ITGA1: variants seen among roughly 807,000 people sequenced by gnomAD.
The protein encoded by ITGA1 is integrin alpha-1.
ITGA1 carries 85 observed loss-of-function variants against 145.9 expected under a neutral mutation model. The observed-to-expected ratio is 0.58, with a 90% confidence interval of 0.49 to 0.70. The LOEUF (loss-of-function observed/expected upper bound fraction) is 0.70, where lower values mean the gene tolerates loss of function less well. Ranked by LOEUF, ITGA1 falls within the 30% of genes least tolerant of loss-of-function variation. The probability of loss-of-function intolerance (pLI) is 0.00; values close to 1 mark genes in which losing one functional copy is unlikely to be tolerated. For missense variants in ITGA1, 1,351 were observed against 1,418.7 expected, an observed-to-expected ratio of 0.95 and a Z score of 0.77; for synonymous variants, 520 against 495.3, an observed-to-expected ratio of 1.05 and a Z score of -0.66.
intron 24 of ITGA1, among the ~76,000 whole-genome samples, chr5:52,937,856 AC>A (rs1304161257): frequency 1.3e-5 from 2 of 151,940 alleles, no homozygotes; most frequent in African/African-American, 4.8e-5. Context: ...ACAACTGGCA[AC>A]CCTAGTCGTT....
At chr5:52,934,422 T>C (rs1451470410) in intron 23 of ITGA1, among the ~76,000 whole-genome samples, 1 of 151,860 alleles carries the variant, frequency 6.6e-6, no homozygotes, top group East Asian at 1.9e-4. Context: ...TATCAGAAAT[T>C]TGTTATCACA....
chr5:52,882,096 C>A, intron 7 of ITGA1, 75 bp downstream of exon 7: 1 of 1,263,820 alleles, frequency 7.9e-7, no homozygotes, highest in South Asian at 1.9e-5. Context: ...TTTGGCATAT[C>A]AATTGAAAGT....
At chr5:52,873,747 T>C (rs143457058) in intron 6 of ITGA1, among the ~76,000 whole-genome samples, 1 of 152,310 alleles carries the variant, frequency 6.6e-6, no homozygotes, top group Non-Finnish European at 1.5e-5. Flanking sequence ...AAGCCTGAGC[T>C]CTTTTCATAT....
chr5:52,868,417 A>T (rs1017745092), intron 6 of ITGA1, among the ~76,000 whole-genome samples: 2 of 152,172 alleles, frequency 1.3e-5, no homozygotes, highest in Non-Finnish European at 2.9e-5. Flanking sequence ...ATAACAGTCA[A>T]TTGCTTATAT....
intron 1 of ITGA1, among the ~76,000 whole-genome samples, chr5:52,789,867 A>G (rs1748205156): frequency 6.6e-6 from 1 of 152,234 alleles, no homozygotes; most frequent in Non-Finnish European, 1.5e-5. Context: ...CTAAAAAGAC[A>G]AGAGTGAAAC....
intron 1 of ITGA1, among the ~76,000 whole-genome samples, chr5:52,847,585 C>T (rs1749357170): frequency 6.6e-6 from 1 of 152,216 alleles, no homozygotes; most frequent in Non-Finnish European, 1.5e-5. Flanking sequence ...GACAGTCTTT[C>T]TCTGTTGCCC....
intron 20 of ITGA1, among the ~76,000 whole-genome samples, 173 bp from the exon 21 acceptor site, chr5:52,929,452 T>A (rs1750863350): frequency 6.6e-6 from 1 of 152,158 alleles, no homozygotes; most frequent in Non-Finnish European, 1.5e-5. Context: ...AAAGAATATG[T>A]ATATTATATG....
Position 52,911,960 on chromosome 5 carries a change from A to C in ITGA1, c.1857+1541A>C, listed in dbSNP as rs1461585960. 3.3e-3 allele frequency among the ~76,000 whole-genome samples: 221 copies of C among 67,808 alleles called. 2 individuals are homozygous for C. The highest frequency in any genetic ancestry group is 0.015 in the African/African-American group (194 of 13,122). 44.5% of individuals were successfully genotyped at this position (67,808 alleles called of 152,430 possible). On this transcript the variant is annotated intron_variant, in intron 14 of 28. Transcript: ENST00000282588. ...ACTATATATACTATATATACTATATATAGTGTATCTACTATATATACTATA... is the reference window on the plus strand; with the variant it reads ...ACTATATATACTATATATACTATATCTAGTGTATCTACTATATATACTATA...
At chr5:52,900,566 T>A (rs145754030) in intron 11 of ITGA1, among the ~76,000 whole-genome samples, 5 of 152,336 alleles carry the variant, frequency 3.3e-5, no homozygotes, top group South Asian at 2.1e-4. Flanking sequence ...GTAAATCCAC[T>A]TAATGAATAT....
intron 1 of ITGA1, among the ~76,000 whole-genome samples, chr5:52,820,206 A>G (rs560342129): frequency 6.6e-6 from 1 of 152,096 alleles, no homozygotes; most frequent in East Asian, 1.9e-4. Context: ...AAAAATGATG[A>G]GTTCATGTCC....
chr5:52,898,484 G>A (rs923815541), intron 11 of ITGA1, 101 bp downstream of exon 11: 1 of 1,064,640 alleles, frequency 9.4e-7, no homozygotes, highest in South Asian at 1.8e-5. Context: ...CCATATAGCA[G>A]GATTATTTCA....
intron 7 of ITGA1, chr5:52,882,863 C>A (rs1456064166): frequency 6.6e-6 from 1 of 152,336 alleles, no homozygotes; most frequent in African/African-American, 2.4e-5. Context: ...TCTTCAACTT[C>A]TGAACTCTTG....
chr5:52,832,789 G>C (rs7724357), intron 1 of ITGA1, among the ~76,000 whole-genome samples: 13 of 120,198 alleles, frequency 1.1e-4, no homozygotes, highest in East Asian at 2.2e-4. Context: ...GTGTGTGTGT[G>C]TGTGTGTGTG....
intron 2 of ITGA1, among the ~76,000 whole-genome samples, chr5:52,857,199 A>G (rs1346770766): frequency 6.6e-6 from 1 of 152,178 alleles, no homozygotes; most frequent in Non-Finnish European, 1.5e-5. Context: ...GCAAAAGTGT[A>G]CACAATTCCA....
chr5:52,922,107 C>T (rs997416010), intron 17 of ITGA1, among the ~76,000 whole-genome samples: 3 of 152,028 alleles, frequency 2.0e-5, no homozygotes, highest in Non-Finnish European at 4.4e-5. Flanking sequence ...TCGAGACCAG[C>T]CTGGCCAACG....
intron 8 of ITGA1, among the ~76,000 whole-genome samples, chr5:52,889,372 G>T (rs1053940986): frequency 1.3e-5 from 2 of 152,106 alleles, no homozygotes; most frequent in African/African-American, 2.4e-5. Flanking sequence ...AAAGTGCTGG[G>T]ATTACAGGCG....
At chr5:52,827,910 T>A (rs1263664200) in intron 1 of ITGA1, among the ~76,000 whole-genome samples, 2 of 152,194 alleles carry the variant, frequency 1.3e-5, no homozygotes, top group Admixed American at 6.6e-5. Context: ...GACCAAAAAA[T>A]TTGCATCACT....
chr5:52,934,494 C>G (rs1171466813), intron 23 of ITGA1, among the ~76,000 whole-genome samples: 1 of 151,818 alleles, frequency 6.6e-6, no homozygotes. Flanking sequence ...CTTATTGTTA[C>G]CTTTCACATG....
chr5:52,854,185 G>A (rs1749471399), intron 2 of ITGA1, among the ~76,000 whole-genome samples: 1 of 152,102 alleles, frequency 6.6e-6, no homozygotes, highest in Non-Finnish European at 1.5e-5. Flanking sequence ...TTCTCTAGAG[G>A]ATCCTGCTTT....
Sources: allele counts gnomAD v4.1 joint callset (sites outside exome capture counted in the v4.1 genomes callset), GRCh38; gene constraint gnomAD v4.1.1; transcripts MANE v1.5; gene names NCBI Gene and HGNC (gene_info 2026-07-23, HGNC 2026-07-21).